Variants in PHYHIPL observed in about 807,000 individuals in gnomAD.
The protein encoded by PHYHIPL is phytanoyl-CoA 2-hydroxylase interacting protein like, also known as phytanoyl-CoA hydroxylase-interacting protein-like.
Under a neutral mutation model 33.4 loss-of-function variants are expected in PHYHIPL, and 9 were observed. The ratio of observed to expected loss-of-function variants is 0.27; its 90% confidence interval spans 0.16 to 0.47. The LOEUF is 0.47. PHYHIPL is among the 20% of genes least tolerant of loss of function. The pLI is 0.99. For missense variants in PHYHIPL, 365 were observed against 460.7 expected, an observed-to-expected ratio of 0.79 and a Z score of 1.90; for synonymous variants, 153 against 154.1, an observed-to-expected ratio of 0.99 and a Z score of 0.05.
rs182938112 is a variant in PHYHIPL, at chr10:59,219,023, T to C, written c.107-15281T>C. 8.7e-4 allele frequency among the ~76,000 whole-genome samples: 132 copies of C among 152,168 alleles called. 3 individuals carry two copies. Among genetic ancestry groups the C allele is most frequent in the Non-Finnish European group, 1.3e-3 (91 of 67,978 alleles). On this transcript the variant is annotated intron_variant, in intron 1 of 4. Coordinates refer to ENST00000373880, the MANE Select transcript of PHYHIPL (RefSeq NM_032439.4). Reference sequence around the variant, plus strand: ...TCGGCTCACTGCAACCTCTGCCTCCTGGGTTTAAGCGTACACAATTTATTC... The same window carrying C: ...TCGGCTCACTGCAACCTCTGCCTCCCGGGTTTAAGCGTACACAATTTATTC...
intron 4 of PHYHIPL, among the ~76,000 whole-genome samples, chr10:59,239,608 C>T (rs1311961500): frequency 6.6e-6 from 1 of 152,018 alleles, no homozygotes; most frequent in Non-Finnish European, 1.5e-5. Context: ...ACTAGAATTT[C>T]TAAGATAGCC....
chr10:59,245,826 C>A lies in PHYHIPL; in HGVS notation c.*235C>A. 1 of 482,580 alleles carries A rather than the reference C, an allele frequency of 2.1e-6. No individual in the cohort carries two copies. The highest frequency in any genetic ancestry group is 3.7e-6 in the Non-Finnish European group (1 of 273,788). The allele number at this position is 482,580 out of a possible 1,614,324, so 29.9% of individuals were successfully genotyped here. A position where few individuals can be genotyped will look rare whatever the true frequency, so the allele number is the denominator to read the frequency against. On this transcript the variant is annotated 3_prime_UTR_variant, in exon 5 of 5. Coordinates refer to ENST00000373880, the MANE Select transcript of PHYHIPL (RefSeq NM_032439.4). ...ACCCTAAGTTAAGTTCTCCTTTTGA[C>A]ACTTTATTGCCTAGATGCTGCAATG... is the stretch of plus-strand genomic sequence containing the variant.
chr10:59,174,278 T>C (rs904597477), upstream of PHYHIPL, among the ~76,000 whole-genome samples: 4 of 152,070 alleles, frequency 2.6e-5, no homozygotes, highest in African/African-American at 9.7e-5. Context: ...CCAAAGAGAA[T>C]AGGATTTTCT....
rs201417661 is a variant in PHYHIPL, at chr10:59,245,429, C to T, written c.969C>T (p.His323=). 2 of 1,614,156 alleles carry T rather than the reference C, an allele frequency of 1.2e-6. No individual in the cohort carries two copies. Among genetic ancestry groups the T allele is most frequent in the South Asian group, 1.1e-5 (1 of 91,078 alleles). Residue 323 remains histidine, a synonymous_variant, in exon 5 of 5, where the codon CAC becomes CAT. Transcript: ENST00000373880. ...CTEEDGVLVY[H]HAQDVILEVI... ...AAGAAGATGGGGTGCTGGTTTACCACCATGCCCAGGATGTCATTTTAGAAG... is the reference window on the plus strand; with the variant it reads ...AAGAAGATGGGGTGCTGGTTTACCATCATGCCCAGGATGTCATTTTAGAAG...
At chr10:59,222,972 A>G (rs1564454511) in intron 1 of PHYHIPL, among the ~76,000 whole-genome samples, 1 of 152,208 alleles carries the variant, frequency 6.6e-6, no homozygotes, top group South Asian at 2.1e-4. Flanking sequence ...AGGATTGTTA[A>G]CATTTACTCA....
intron 1 of PHYHIPL, among the ~76,000 whole-genome samples, chr10:59,193,973 A>G (rs1245516947): frequency 6.6e-6 from 1 of 152,120 alleles, no homozygotes; most frequent in Non-Finnish European, 1.5e-5. Context: ...AATTGAAATT[A>G]AGCTTAAAAT....
intron 1 of PHYHIPL, among the ~76,000 whole-genome samples, chr10:59,234,087 T>C (rs796866009): frequency 6.6e-5 from 10 of 151,962 alleles, no homozygotes; most frequent in African/African-American, 2.2e-4. Flanking sequence ...AGAGGGAACC[T>C]AACCATATAA....
intron 2 of PHYHIPL, among the ~76,000 whole-genome samples, 186 bp downstream of exon 2, chr10:59,234,686 C>T (rs1840172111): frequency 6.6e-6 from 1 of 151,680 alleles, no homozygotes; most frequent in African/African-American, 2.4e-5. Context: ...AATGAAATGC[C>T]ATGCTTTTTG....
At chr10:59,174,489 G>A (rs1309676511), upstream of PHYHIPL, among the ~76,000 whole-genome samples, 2 of 151,958 alleles carry the variant, frequency 1.3e-5, no homozygotes, top group Admixed American at 1.3e-4. Context: ...CTAAAAACTC[G>A]ATTTAAAAAA....
chr10:59,234,599 T>A, intron 2 of PHYHIPL, 99 bp downstream of exon 2: 1 of 771,560 alleles, frequency 1.3e-6, no homozygotes, highest in Non-Finnish European at 1.9e-6. Flanking sequence ...ATGGCTTATG[T>A]GATGTATTTG....
intron 4 of PHYHIPL, among the ~76,000 whole-genome samples, chr10:59,242,326 C>T (rs1420845945): frequency 6.6e-6 from 1 of 152,084 alleles, no homozygotes; most frequent in Non-Finnish European, 1.5e-5. Flanking sequence ...ACCCTCCTAC[C>T]CTGTGTCACC....
intron 1 of PHYHIPL, among the ~76,000 whole-genome samples, chr10:59,178,237 C>G (rs1443987004): frequency 6.6e-6 from 1 of 151,216 alleles, no homozygotes; most frequent in African/African-American, 2.4e-5. Flanking sequence ...TTTTTGAAAC[C>G]AAAACCACTT....
At position 59,247,511 on chromosome 10, in the gene PHYHIPL, T is replaced by C. The variant is rs932151603; in HGVS notation, c.*1920T>C. 2 of 1,421,202 alleles carry C rather than the reference T, an allele frequency of 1.4e-6. No homozygotes were observed. The highest frequency in any genetic ancestry group is 1.4e-5 in the African/African-American group (1 of 70,256). 88.0% of individuals were successfully genotyped at this position (1,421,202 alleles called of 1,614,324 possible). On this transcript the variant is annotated 3_prime_UTR_variant, in exon 5 of 5. Transcript: ENST00000373880. ...AAAACAGCTAATACTACCACTAAAG[T>C]GCTTCCATTTTCATTGTGTCAAAAC...
intron 1 of PHYHIPL, among the ~76,000 whole-genome samples, chr10:59,185,216 T>C (rs1838551428): frequency 1.3e-5 from 2 of 152,078 alleles, no homozygotes; most frequent in East Asian, 3.9e-4. Flanking sequence ...GGTCTCGATC[T>C]CCTGACCTCG....
intron 1 of PHYHIPL, among the ~76,000 whole-genome samples, chr10:59,202,169 G>A (rs1839138001): frequency 6.6e-6 from 1 of 152,030 alleles, no homozygotes. Flanking sequence ...AATATGCCAG[G>A]TCTTGAAGGA....
chr10:59,221,023 C>T (rs949354877), intron 1 of PHYHIPL, among the ~76,000 whole-genome samples: 1 of 151,984 alleles, frequency 6.6e-6, no homozygotes, highest in Non-Finnish European at 1.5e-5. Context: ...TAAATGCTAT[C>T]TATTTTGGTT....
chr10:59,187,884 C>G (rs1180331924), intron 1 of PHYHIPL, among the ~76,000 whole-genome samples: 2 of 152,108 alleles, frequency 1.3e-5, no homozygotes, highest in Non-Finnish European at 1.5e-5. Flanking sequence ...TGCTAGCGGT[C>G]TATCCATTTT....
intron 1 of PHYHIPL, among the ~76,000 whole-genome samples, chr10:59,192,302 T>A (rs751237499): frequency 6.6e-6 from 1 of 152,118 alleles, no homozygotes; most frequent in South Asian, 2.1e-4. Flanking sequence ...TTAAAAAATA[T>A]TTAAGTCATT....
chr10:59,221,832 C>G, intron 1 of PHYHIPL: 1 of 412,048 alleles, frequency 2.4e-6, no homozygotes, highest in Non-Finnish European at 3.3e-6. Flanking sequence ...GTCTGAAGTT[C>G]CAGGATGGTA....
Sources: allele counts gnomAD v4.1 joint callset (sites outside exome capture counted in the v4.1 genomes callset), GRCh38; gene constraint gnomAD v4.1.1; transcripts MANE v1.5; gene names NCBI Gene and HGNC (gene_info 2026-07-23, HGNC 2026-07-21).